Variants in TRAPPC8 observed in about 807,000 individuals in gnomAD.
TRAPPC8 encodes trafficking protein particle complex subunit 8, also known as general sporulation gene 1 homolog.
TRAPPC8 carries 54 observed loss-of-function variants against 174.3 expected under a neutral mutation model. The ratio of observed to expected loss-of-function variants is 0.31; its 90% CI spans 0.25 to 0.39. The LOEUF (loss-of-function observed/expected upper bound fraction) is 0.39, where lower values mean the gene tolerates loss of function less well. Among genes scored for constraint, TRAPPC8 ranks in the 10% least tolerant of loss-of-function variants. TRAPPC8 has a pLI of 1.00. For synonymous variants in TRAPPC8, 630 were observed against 579.9 expected (o/e 1.09, Z -1.24); for missense variants, 1,531 against 1,699.1 (o/e 0.90, Z 1.74).
rs1269900465 is a variant in TRAPPC8, at chr18:31,848,223, C to G, written c.3735+1343G>C. Among the ~76,000 whole-genome samples the G allele has an allele frequency of 1.3e-5, 2 of 152,152 alleles. 1 individual carries two copies. The highest frequency in any genetic ancestry group is 2.9e-5 in the Non-Finnish European group (2 of 68,030). ...CTTCCATTTCCCAGCCAAGGAGCAT[C>G]ACAATCTTAGATAACTTTCTTCTTT... On this transcript the variant is annotated intron_variant, in intron 25 of 28. Coordinates refer to ENST00000283351, the MANE Select transcript of TRAPPC8 (RefSeq NM_014939.5).
intron 12 of TRAPPC8, among the ~76,000 whole-genome samples, chr18:31,875,721 T>C (rs1041797148): frequency 9.9e-5 from 15 of 152,180 alleles, no homozygotes; most frequent in Admixed American, 2.6e-4. Flanking sequence ...AATGGAAAAT[T>C]GCAAGGAATG....
At chr18:31,861,536 A>C (rs1328082470) in intron 19 of TRAPPC8, among the ~76,000 whole-genome samples, 1 of 152,224 alleles carries the variant, frequency 6.6e-6, no homozygotes, top group East Asian at 1.9e-4. Flanking sequence ...TGTAAAAGTA[A>C]ACCTCTATTC....
At chr18:31,910,318 C>A (rs147002939) in intron 5 of TRAPPC8, among the ~76,000 whole-genome samples, 1 of 152,096 alleles carries the variant, frequency 6.6e-6, no homozygotes, top group Admixed American at 6.5e-5. Context: ...GACTACTCTA[C>A]AAGACCAGTA....
Position 31,830,303 on chromosome 18 carries a change from G to A in TRAPPC8, c.*452C>T, listed in dbSNP as rs1249606101. The A allele has an allele frequency of 6.5e-6, 1 of 153,924 alleles. No individual in the cohort carries two copies. The highest frequency in any genetic ancestry group is 6.5e-5 in the Admixed American group (1 of 15,364). 9.5% of individuals were successfully genotyped at this position (153,924 alleles called of 1,614,324 possible). A position where few individuals can be genotyped will look rare whatever the true frequency, so the allele number is the denominator to read the frequency against. On this transcript the variant is annotated 3_prime_UTR_variant, in exon 29 of 29. Transcript: ENST00000283351. ...CAAAACTGATTTTAAGGAACTGTGT[G>A]AAGCAAGACAGGAAAATTTGTATTT...
intron 1 of TRAPPC8, among the ~76,000 whole-genome samples, chr18:31,937,900 G>A (rs1331034192): frequency 6.6e-6 from 1 of 151,858 alleles, no homozygotes; most frequent in African/African-American, 2.4e-5. Context: ...ATGGGGTTTC[G>A]CCACGTTAGC....
Position 31,857,897 on chromosome 18 carries a change from G to A in TRAPPC8, c.2831C>T (p.Pro944Leu). The stretch of plus-strand genomic sequence containing the variant: ...AGAAACAACCTTCAATCCAGTAAGT[G>A]GACATTTGCTGACATTGACAAATTC... The part of the protein sequence containing the change: ...YVEFVNVSKC[P>L]LTGLKVVSKR... The change falls in exon 20 of 29, where the codon CCA (proline) becomes CTA (leucine). Residue 944 changes from proline (P) to leucine (L), a missense_variant. Pro to Leu is a moderately conservative substitution (Grantham distance 98, BLOSUM62 -3). Transcript: ENST00000283351. 6.2e-7 allele frequency: 1 copy of A among 1,614,104 alleles called. No individual in the cohort carries two copies. The highest frequency in any genetic ancestry group is 8.5e-7 in the Non-Finnish European group (1 of 1,180,014).
intron 24 of TRAPPC8, among the ~76,000 whole-genome samples, chr18:31,850,570 T>A (rs1402073842): frequency 6.6e-6 from 1 of 152,196 alleles, no homozygotes; most frequent in Non-Finnish European, 1.5e-5. Context: ...TTATGCCACA[T>A]AATAACATCT....
chr18:31,905,718 G>A (rs2036629776), intron 9 of TRAPPC8, among the ~76,000 whole-genome samples: 1 of 152,054 alleles, frequency 6.6e-6, no homozygotes, highest in Non-Finnish European at 1.5e-5. Context: ...TTTTAGGGTA[G>A]CTTTTAAAGG....
At chr18:31,884,720 T>C (rs531773210) in intron 12 of TRAPPC8, among the ~76,000 whole-genome samples, 3 of 152,246 alleles carry the variant, frequency 2.0e-5, no homozygotes, top group South Asian at 4.1e-4. Flanking sequence ...AAGAAATATT[T>C]TCTTGGCTGG....
At chr18:31,834,415 A>G (rs1159721385) in intron 27 of TRAPPC8, among the ~76,000 whole-genome samples, 1 of 152,084 alleles carries the variant, frequency 6.6e-6, no homozygotes, top group Non-Finnish European at 1.5e-5. Flanking sequence ...CAGTCTTGGG[A>G]CCACATTTTG....
chr18:31,861,525 A>G (rs2145133989), intron 19 of TRAPPC8, among the ~76,000 whole-genome samples: 1 of 152,344 alleles, frequency 6.6e-6, no homozygotes, highest in South Asian at 2.1e-4. Context: ...GGCTTAAACA[A>G]TGTAAAAGTA....
intron 12 of TRAPPC8, among the ~76,000 whole-genome samples, chr18:31,881,233 T>G (rs1341838648): frequency 6.6e-6 from 1 of 151,922 alleles, no homozygotes; most frequent in Non-Finnish European, 1.5e-5. Flanking sequence ...TTCCCCAACT[T>G]CAAACTACAC....
chr18:31,933,599 C>T (rs983985886), intron 1 of TRAPPC8, among the ~76,000 whole-genome samples: 4 of 152,114 alleles, frequency 2.6e-5, no homozygotes, highest in Non-Finnish European at 4.4e-5. Context: ...ACCTATTTCA[C>T]CTGCACCATG....
At chr18:31,898,720 T>C (rs2036286085) in intron 10 of TRAPPC8, among the ~76,000 whole-genome samples, 1 of 152,372 alleles carries the variant, frequency 6.6e-6, no homozygotes, top group South Asian at 2.1e-4. Context: ...ACATAATCAG[T>C]TGATTTTGTG....
chr18:31,872,752 C>T (rs1210847575), intron 14 of TRAPPC8, among the ~76,000 whole-genome samples: 1 of 151,888 alleles, frequency 6.6e-6, no homozygotes. Flanking sequence ...AAGATGGAAA[C>T]AGTCTATATA....
intron 26 of TRAPPC8, among the ~76,000 whole-genome samples, chr18:31,840,913 A>T (rs1358161740): frequency 1.4e-5 from 2 of 146,592 alleles, no homozygotes; most frequent in East Asian, 3.9e-4. Flanking sequence ...GCTACTGGTA[A>T]AAAAAAAAAA....
At chr18:31,917,504 C>T (rs2037197686) in intron 3 of TRAPPC8, 74 bp downstream of exon 3, 2 of 1,372,730 alleles carry the variant, frequency 1.5e-6, no homozygotes, top group Non-Finnish European at 2.0e-6. Flanking sequence ...ACAATTTTGC[C>T]TTCATTAACT....
intron 10 of TRAPPC8, among the ~76,000 whole-genome samples, 197 bp downstream of exon 10, chr18:31,900,728 A>G (rs930129176): frequency 6.6e-6 from 1 of 152,242 alleles, no homozygotes. Flanking sequence ...TCAACATTAC[A>G]TAACACATTC....
intron 12 of TRAPPC8, among the ~76,000 whole-genome samples, chr18:31,889,439 G>C (rs556318200): frequency 3.9e-5 from 6 of 152,298 alleles, no homozygotes; most frequent in African/African-American, 1.4e-4. Context: ...TTCAATAGGA[G>C]ACAATAGACC....
Sources: allele counts gnomAD v4.1 joint callset (sites outside exome capture counted in the v4.1 genomes callset), GRCh38; gene constraint gnomAD v4.1.1; transcripts MANE v1.5; gene names NCBI Gene and HGNC (gene_info 2026-07-23, HGNC 2026-07-21).